PBX3: variants seen among roughly 807,000 people sequenced by gnomAD.
PBX3 encodes pre-B-cell leukemia transcription factor 3.
Under a neutral mutation model 48.5 loss-of-function variants are expected in PBX3, and 14 were observed. The ratio of observed to expected loss-of-function variants is 0.29; its 90% CI spans 0.19 to 0.45. PBX3 has a LOEUF of 0.45. Among genes scored for constraint, PBX3 ranks in the 20% least tolerant of loss-of-function variants. PBX3 has a pLI of 1.00. For synonymous variants in PBX3, 210 were observed against 200.3 expected (o/e 1.05, Z -0.41); for missense variants, 386 against 546.7 (o/e 0.71, Z 2.93).
intron 2 of PBX3, among the ~76,000 whole-genome samples, chr9:125,785,943 CT>C (rs201029654): frequency 0.025 from 3,417 of 137,876 alleles, 165 homozygotes; most frequent in East Asian, 0.18. Flanking sequence ...TTTAAAGTCG[CT>C]TTTTTTTTTT....
chr9:125,815,694 GT>G (rs1417473572), intron 2 of PBX3, among the ~76,000 whole-genome samples: 89 of 366 alleles, frequency 0.24, 1 homozygote, highest in East Asian at 0.5. Flanking sequence ...CAGTGACTGG[GT>G]GTGTGTGTGT....
intron 2 of PBX3, among the ~76,000 whole-genome samples, chr9:125,828,248 A>G (rs989168239): frequency 1.3e-5 from 2 of 152,186 alleles, no homozygotes; most frequent in Non-Finnish European, 2.9e-5. Flanking sequence ...TGAGATATAT[A>G]TACTCAGAGA....
chr9:125,929,995 G>T, intron 4 of PBX3, 150 bp downstream of exon 4: 1 of 637,968 alleles, frequency 1.6e-6, no homozygotes, highest in Non-Finnish European at 2.7e-6. Flanking sequence ...CATGGTTCCT[G>T]TGCTGTCAAG....
At chr9:125,750,443 G>A (rs902762241) in intron 2 of PBX3, among the ~76,000 whole-genome samples, 3 of 152,206 alleles carry the variant, frequency 2.0e-5, no homozygotes, top group Non-Finnish European at 4.4e-5. Context: ...AAGTCCTTTA[G>A]TTGCTTATTT....
chr9:125,859,912 G>A (rs977028362), intron 2 of PBX3, among the ~76,000 whole-genome samples: 3 of 152,080 alleles, frequency 2.0e-5, no homozygotes, highest in African/African-American at 4.8e-5. Context: ...TTGCCTCTCC[G>A]GTGCTCAAAT....
chr9:125,766,867 AT>A (rs1295465253), intron 2 of PBX3, among the ~76,000 whole-genome samples: 2 of 152,174 alleles, frequency 1.3e-5, no homozygotes, highest in African/African-American at 2.4e-5. Context: ...AAGTAAAAAA[AT>A]ACTATGATTA....
At chr9:125,798,991 A>G (rs758957393) in intron 2 of PBX3, among the ~76,000 whole-genome samples, 1 of 152,126 alleles carries the variant, frequency 6.6e-6, no homozygotes, top group Non-Finnish European at 1.5e-5. Flanking sequence ...TTTTATTTGC[A>G]TTCTTAAAAA....
chr9:125,881,577 A>G (rs1221836611), intron 2 of PBX3, among the ~76,000 whole-genome samples: 1 of 151,998 alleles, frequency 6.6e-6, no homozygotes, highest in East Asian at 1.9e-4. Flanking sequence ...CTGTTGATTT[A>G]GTTTCCAAAT....
intron 2 of PBX3, among the ~76,000 whole-genome samples, chr9:125,895,002 C>T (rs941827704): frequency 6.6e-6 from 1 of 152,060 alleles, no homozygotes; most frequent in African/African-American, 2.4e-5. Flanking sequence ...CTCATTTAAA[C>T]AGGCAGAATG....
At position 125,917,752 on chromosome 9, in the gene PBX3, A is replaced by G. The variant is rs1363105149; in HGVS notation, c.516+1825A>G. On this transcript the variant is annotated intron_variant, in intron 3 of 8. Transcript: ENST00000373489. ...TTTGAGGAAGAGTAGAAAAATTTGT[A>G]TAGCTTTAAGTTAAAAAGTAGTGTA... 3.3e-5 allele frequency among the ~76,000 whole-genome samples: 5 copies of G among 152,208 alleles called. No homozygotes were observed. The East Asian group carries it at 9.6e-4, about 29-fold the overall frequency.
intron 2 of PBX3, among the ~76,000 whole-genome samples, chr9:125,827,828 A>G (rs1225453732): frequency 1.3e-5 from 2 of 152,184 alleles, no homozygotes; most frequent in African/African-American, 4.8e-5. Context: ...GTATATAACT[A>G]GGAATAGAGT....
intron 5 of PBX3, among the ~76,000 whole-genome samples, chr9:125,959,887 A>ATTTGAGCTATATACAATGT (rs1425228290): frequency 3.5e-4 from 54 of 152,330 alleles, no homozygotes; most frequent in African/African-American, 1.3e-3. Context: ...CAGGTGCCTG[A>ATTTGAGCTATATACAATGT]ATACATTGTA....
At chr9:125,940,928 A>G (rs1841947040) in intron 5 of PBX3, among the ~76,000 whole-genome samples, 1 of 152,206 alleles carries the variant, frequency 6.6e-6, no homozygotes, top group Non-Finnish European at 1.5e-5. Flanking sequence ...CTCTATACCT[A>G]TGATGTGTGG....
chr9:125,814,274 T>C (rs1015802893), intron 2 of PBX3, among the ~76,000 whole-genome samples: 2 of 142,066 alleles, frequency 1.4e-5, no homozygotes, highest in Admixed American at 1.4e-4. Context: ...TATATTTTTC[T>C]ATACTTTGAA....
intron 2 of PBX3, among the ~76,000 whole-genome samples, chr9:125,871,566 A>G (rs1840127082): frequency 6.6e-6 from 1 of 152,056 alleles, no homozygotes; most frequent in East Asian, 1.9e-4. Flanking sequence ...AAAACATTAT[A>G]TAATTCCATT....
At chr9:125,786,307 C>T (rs971804200) in intron 2 of PBX3, among the ~76,000 whole-genome samples, 25 of 152,050 alleles carry the variant, frequency 1.6e-4, no homozygotes, top group African/African-American at 5.8e-4. Flanking sequence ...AGGGAGAGTT[C>T]CAGGGCATAC....
intron 2 of PBX3, among the ~76,000 whole-genome samples, chr9:125,780,996 TGG>T (rs1837287566): frequency 3.5e-5 from 2 of 57,152 alleles, no homozygotes; most frequent in Non-Finnish European, 6.3e-5. Context: ...ACTTCCTAGA[TGG>T]GATGGCGGCC....
chr9:125,812,601 T>G (rs933598524), intron 2 of PBX3, among the ~76,000 whole-genome samples: 1 of 152,268 alleles, frequency 6.6e-6, no homozygotes, highest in African/African-American at 2.4e-5. Context: ...TGCTCCTGTT[T>G]TACGCTTTTG....
intron 5 of PBX3, among the ~76,000 whole-genome samples, chr9:125,942,683 A>G (rs774775530): frequency 4.6e-5 from 7 of 152,234 alleles, no homozygotes; most frequent in Non-Finnish European, 1.0e-4. Context: ...AAGTTGAAGG[A>G]AAAGGCAGCT....
Sources: gnomAD v4.1 joint callset for allele counts (sites outside exome capture counted in the v4.1 genomes callset) on GRCh38, gnomAD v4.1.1 for gene constraint, MANE v1.5 for transcripts, NCBI Gene and HGNC (gene_info 2026-07-23, HGNC 2026-07-21) for gene names.